CYP2W1: variants seen among roughly 807,000 people sequenced by gnomAD.
CYP2W1 encodes the protein cytochrome P450 family 2 subfamily W member 1, also known as cytochrome P450 2W1.
CYP2W1 carries 51 observed loss-of-function variants against 44.9 expected under a neutral mutation model. That is an observed-to-expected ratio of 1.14 (90% CI 0.91 to 1.43). The LOEUF is 1.43. CYP2W1 is among the 40% of genes most tolerant of loss of function. The probability of loss-of-function intolerance (pLI) is 0.00; values close to 1 mark genes in which losing one functional copy is unlikely to be tolerated. For synonymous variants in CYP2W1, 383 were observed against 338.3 expected, an observed-to-expected ratio of 1.13 and a Z score of -1.45; for missense variants, 746 against 700.0, an observed-to-expected ratio of 1.07 and a Z score of -0.74.
At chr7:984,294 C>T (rs1848151405) in intron 1 of CYP2W1, 118 bp from the exon 2 acceptor site, 3 of 1,351,932 alleles carry the variant, frequency 2.2e-6, no homozygotes, top group African/African-American at 2.9e-5. Flanking sequence ...GTGCCCCCTC[C>T]ACCTGCCCCC....
chr7:989,126 T>G lies in CYP2W1; in HGVS notation c.*304T>G. 1 of 378,614 alleles carries G rather than the reference T, an allele frequency of 2.6e-6. No individual in the cohort carries two copies. The highest frequency in any genetic ancestry group is 4.7e-6 in the Non-Finnish European group (1 of 213,004). The allele number at this position is 378,614 out of a possible 1,614,324, so 23.5% of individuals were successfully genotyped here. ...GAAGCTGCACTCCCACCCACCTAGCTCCCCCCAGGGCCCCCCAGCACCTAC... is the reference window on the plus strand; with the variant it reads ...GAAGCTGCACTCCCACCCACCTAGCGCCCCCCAGGGCCCCCCAGCACCTAC... On this transcript the variant is annotated 3_prime_UTR_variant, in exon 9 of 9. Coordinates refer to ENST00000308919, the MANE Select transcript of CYP2W1 (RefSeq NM_017781.3).
At chr7:984,867 G>A (rs2128122362) in intron 2 of CYP2W1, 83 bp from the exon 3 acceptor site, 1 of 1,496,404 alleles carries the variant, frequency 6.7e-7, no homozygotes, top group South Asian at 1.3e-5. Flanking sequence ...TGCCCTGTCA[G>A]CCTGCTCACT....
At chr7:987,666 C>A in intron 7 of CYP2W1, 135 bp downstream of exon 7, 2 of 913,130 alleles carry the variant, frequency 2.2e-6, no homozygotes, top group Non-Finnish European at 3.2e-6. Context: ...CAATAAAGGG[C>A]GTCCAGCCAG....
intron 4 of CYP2W1, among the ~76,000 whole-genome samples, chr7:985,725 G>A (rs1381376643): frequency 1.3e-5 from 2 of 152,216 alleles, no homozygotes; most frequent in Admixed American, 1.3e-4. Flanking sequence ...CCCCTCTGAT[G>A]TTTGGAACTC....
At chr7:986,899 C>T in intron 5 of CYP2W1, 102 bp downstream of exon 5, 3 of 1,360,406 alleles carry the variant, frequency 2.2e-6, no homozygotes, top group Non-Finnish European at 2.9e-6. Flanking sequence ...CTGCACCAAG[C>T]TCCCTACCTC....
intron 4 of CYP2W1, 37 bp from the exon 5 acceptor site, chr7:986,587 T>C (rs749148077): frequency 1.2e-6 from 2 of 1,609,044 alleles, no homozygotes; most frequent in South Asian, 2.2e-5. Context: ...GCCCTGGGGC[T>C]GCGTCCTTAT....
intron 4 of CYP2W1, among the ~76,000 whole-genome samples, chr7:986,064 C>T (rs1848319518): frequency 6.6e-6 from 1 of 152,214 alleles, no homozygotes; most frequent in Non-Finnish European, 1.5e-5. Context: ...CCGGGGCAGC[C>T]CCAGGGCAGC....
At chr7:988,533 G>A (rs771765665) in intron 8 of CYP2W1, 102 bp from the exon 9 acceptor site, 465 of 1,595,738 alleles carry the variant, frequency 2.9e-4, no homozygotes, top group Non-Finnish European at 3.5e-4. Context: ...TTCTGAAGGC[G>A]GCTGTGGTGG....
chr7:985,220 C>G lies in CYP2W1; in HGVS notation c.542C>G (p.Ala181Gly). 6.4e-7 allele frequency: 1 copy of G among 1,555,150 alleles called. No homozygotes were observed. Residue 181 changes from alanine (A) to glycine (G), a missense_variant, in exon 4 of 9, where the codon GCG (alanine) becomes GGG (glycine). By Grantham distance (60) the Ala-to-Gly change is moderately conservative. Coordinates refer to ENST00000308919, the MANE Select transcript of CYP2W1 (RefSeq NM_017781.3). ...TGGGCTCCCTCCAATATCACCTTCG[C>G]GCTCCTCTTCGGCCGCCGATTTGAC... is the stretch of plus-strand genomic sequence containing the variant. ...LGWAPSNITF[A>G]LLFGRRFDYR...
intron 2 of CYP2W1, 76 bp from the exon 3 acceptor site, chr7:984,874 C>T: frequency 6.6e-7 from 1 of 1,506,182 alleles, no homozygotes; most frequent in Non-Finnish European, 8.9e-7. Context: ...TCAGCCTGCT[C>T]ACTTCCTGCC....
intron 3 of CYP2W1, 26 bp downstream of exon 3, chr7:985,125 T>A (rs1848230013): frequency 6.2e-7 from 1 of 1,605,832 alleles, no homozygotes; most frequent in Non-Finnish European, 8.5e-7. Context: ...GGGACGCCCC[T>A]CCCCGGGCCT....
rs748420181 is a variant in CYP2W1, at chr7:984,952, A to G, written c.340A>G (p.Ile114Val). The stretch of plus-strand genomic sequence containing the variant: ...CCACGCACTGTATCTGCCTACAGGC[A>G]TCTTCTTCTCATCTGGGGCGCGCTG... ...IFQLIQRGGG[I>V]FFSSGARWRA... is the part of the protein sequence containing the mutation. The change falls in exon 3 of 9, where the codon ATC (isoleucine) becomes GTC (valine). Residue 114 changes from isoleucine (I) to valine (V), a missense_variant and splice_region_variant. Ile to Val is a conservative substitution (Grantham distance 29). Coordinates refer to ENST00000308919, the MANE Select transcript of CYP2W1 (RefSeq NM_017781.3). 8 of 1,598,174 alleles carry G rather than the reference A, an allele frequency of 5.0e-6. No homozygotes were observed. The Admixed American group carries it at 8.4e-5, about 17-fold the overall frequency.
At position 984,501 on chromosome 7, in the gene CYP2W1, G is replaced by A. The variant is rs374086630; in HGVS notation, c.264G>A (p.Ala88=). ...VLTGFEAVKE[A]LAGPGQELAD... ...CGGGGTTCGAGGCGGTCAAAGAGGC[G>A]CTGGCGGGCCCCGGGCAGGAGCTGG... The change falls in exon 2 of 9, where the codon GCG becomes GCA. Residue 88 remains alanine (A), a synonymous_variant. Coordinates refer to ENST00000308919, the MANE Select transcript of CYP2W1 (RefSeq NM_017781.3). The A allele has an allele frequency of 2.3e-5, 36 of 1,552,806 alleles. No individual in the cohort carries two copies. The African/African-American group carries it at 3.5e-4, about 15-fold the overall frequency.
rs562159532 is a variant in CYP2W1 at position 988,672 on chromosome 7, C to T, written c.1323C>T (p.Thr441=). The T allele has an allele frequency of 2.5e-6, 4 of 1,600,770 alleles. No homozygotes were observed. The highest frequency in any genetic ancestry group is 2.2e-5 in the East Asian group (1 of 44,856). Residue 441 remains threonine (T), a synonymous_variant, in exon 9 of 9, where the codon ACC becomes ACT. Transcript: ENST00000308919. ...RVCVGERLAR[T]ELFLLFAGLL... The stretch of plus-strand genomic sequence containing the variant: ...GTGTTGGGGAGCGCCTGGCCAGGAC[C>T]GAGCTCTTCCTGCTGTTTGCCGGCC...
At chr7:985,395 G>A (rs1322477839) in intron 4 of CYP2W1, 72 bp downstream of exon 4, 8 of 1,491,134 alleles carry the variant, frequency 5.4e-6, no homozygotes, top group Non-Finnish European at 7.2e-6. Flanking sequence ...GAGGACGGGG[G>A]CCCCAGTGCT....
In CYP2W1 at chr7:988,687, G is replaced by A. The variant is rs758374983; in HGVS notation, c.1338G>A (p.Leu446=). ...ERLARTELFL[L]FAGLLQRYRL... is the part of the protein sequence containing the mutation. ...TGGCCAGGACCGAGCTCTTCCTGCT[G>A]TTTGCCGGCCTCCTGCAGAGGTACC... Residue 446 remains leucine (L), a synonymous_variant, in exon 9 of 9, where the codon CTG becomes CTA. Coordinates refer to ENST00000308919, the MANE Select transcript of CYP2W1 (RefSeq NM_017781.3). 3.1e-6 allele frequency: 5 copies of A among 1,600,302 alleles called. No individual in the cohort carries two copies. Among genetic ancestry groups the A allele is most frequent in the Middle Eastern group, 1.7e-4 (1 of 6,016 alleles).
rs746735643 is a variant in CYP2W1, at chr7:987,349, C to T, written c.961C>T (p.Arg321Trp). 1.8e-5 allele frequency: 28 copies of T among 1,575,644 alleles called. No homozygotes were observed. The highest frequency in any genetic ancestry group is 5.6e-5 in the South Asian group (5 of 88,578). The change falls in exon 7 of 9, where the codon CGG becomes TGG. Residue 321 changes from arginine (R) to tryptophan (W), a missense_variant and splice_region_variant. Coordinates refer to ENST00000308919, the MANE Select transcript of CYP2W1 (RefSeq NM_017781.3). ...AAGCGGCCCACCCTTTGCCCCAGGC[C>T]GGGTGCAGGAGGAGCTAGACCGCGT... ...LMGRHPDVQG[R>W]VQEELDRVLG... is the part of the protein sequence containing the mutation.
chr7:985,510 G>A (rs139775241), intron 4 of CYP2W1, among the ~76,000 whole-genome samples, 187 bp downstream of exon 4: 48 of 152,282 alleles, frequency 3.2e-4, no homozygotes, highest in Non-Finnish European at 6.5e-4. Context: ...CCTCAAACCA[G>A]CCCCTGTGCT....
chr7:986,825 A>G, intron 5 of CYP2W1, 28 bp downstream of exon 5: 1 of 1,499,116 alleles, frequency 6.7e-7, no homozygotes, highest in Non-Finnish European at 8.9e-7. Context: ...ACCTCCTTGA[A>G]GGCCTGTAGG....
Sources: allele counts gnomAD v4.1 joint callset (sites outside exome capture counted in the v4.1 genomes callset), GRCh38; gene constraint gnomAD v4.1.1; transcripts MANE v1.5; gene names NCBI Gene and HGNC (gene_info 2026-07-23, HGNC 2026-07-21).